Variants in FGF14 observed in about 807,000 individuals in gnomAD.
The protein encoded by FGF14 is fibroblast growth factor homologous factor 4.
A neutral mutation model predicts 25.5 loss-of-function variants in FGF14; 5 were observed. That is an observed-to-expected ratio of 0.20 (90% CI 0.10 to 0.41). The LOEUF (loss-of-function observed/expected upper bound fraction) is 0.41. Among genes scored for constraint, FGF14 ranks in the 10% least tolerant of loss-of-function variants. FGF14 has a pLI of 1.00. For synonymous variants in FGF14, 138 were observed against 118.3 expected, an observed-to-expected ratio of 1.17 and a Z score of -1.08; for missense variants, 222 against 320.1, an observed-to-expected ratio of 0.69 and a Z score of 2.34.
intron 3 of FGF14, among the ~76,000 whole-genome samples, chr13:101,751,522 G>A (rs535257778): frequency 4.6e-5 from 7 of 152,162 alleles, no homozygotes; most frequent in African/African-American, 1.7e-4. Flanking sequence ...TATGCATCAG[G>A]GAAAATACAT....
At chr13:102,085,857 T>C (rs778552461) in intron 1 of FGF14, among the ~76,000 whole-genome samples, 2 of 152,180 alleles carry the variant, frequency 1.3e-5, no homozygotes, top group South Asian at 2.1e-4. Flanking sequence ...CTACCTTATA[T>C]ATGGAGGAAA....
Position 101,875,283 on chromosome 13 carries a change from C to T in FGF14, c.207G>A (p.Lys69=). Reference sequence around the variant, plus strand: ...TGCAATATAACCTGGTCACTATACCCTTGAGCTGGGGATCTGAAAGGCAAA... The same window carrying T: ...TGCAATATAACCTGGTCACTATACCTTTGAGCTGGGGATCTGAAAGGCAAA... The part of the protein sequence containing the change: ...RRLRRQDPQL[K]GIVTRLYCRQ... Residue 69 remains lysine, a synonymous_variant, in exon 2 of 5, where the codon AAG becomes AAA. Transcript: ENST00000376143. The T allele has an allele frequency of 6.2e-7, 1 of 1,612,574 alleles. No individual in the cohort carries two copies. Among genetic ancestry groups the T allele is most frequent in the Non-Finnish European group, 8.5e-7 (1 of 1,178,778 alleles).
intron 1 of FGF14, among the ~76,000 whole-genome samples, chr13:102,033,082 G>T (rs1213601628): frequency 1.3e-5 from 2 of 152,016 alleles, no homozygotes; most frequent in Non-Finnish European, 2.9e-5. Context: ...GAAAATCCTT[G>T]AATACCCTAC....
intron 1 of FGF14, among the ~76,000 whole-genome samples, chr13:102,075,360 A>G (rs2043316565): frequency 6.6e-6 from 1 of 152,214 alleles, no homozygotes; most frequent in Non-Finnish European, 1.5e-5. Context: ...CTGCTGCACA[A>G]TGAATTTGGT....
At chr13:102,170,275 A>G (rs1195600913) in intron 1 of FGF14, among the ~76,000 whole-genome samples, 1 of 152,040 alleles carries the variant, frequency 6.6e-6, no homozygotes, top group African/African-American at 2.4e-5. Context: ...ATTAATCTCC[A>G]TGAGGGCACA....
chr13:102,190,046 C>T (rs2140816898), intron 1 of FGF14, among the ~76,000 whole-genome samples: 1 of 152,268 alleles, frequency 6.6e-6, no homozygotes, highest in East Asian at 1.9e-4. Context: ...AGGGGACACA[C>T]ATCCAAAACA....
chr13:101,889,732 A>G (rs2046175677), intron 1 of FGF14, among the ~76,000 whole-genome samples: 1 of 152,218 alleles, frequency 6.6e-6, no homozygotes, highest in Admixed American at 6.5e-5. Context: ...TACCCCATGC[A>G]ATACATGAAG....
intron 1 of FGF14, among the ~76,000 whole-genome samples, chr13:102,370,230 T>C (rs547941299): frequency 2.1e-4 from 32 of 152,274 alleles, no homozygotes; most frequent in African/African-American, 7.7e-4. Context: ...TGGCCTCAAG[T>C]GATCCCTGCC....
intron 1 of FGF14, among the ~76,000 whole-genome samples, chr13:102,325,037 AT>A (rs1366194353): frequency 2.0e-5 from 3 of 152,082 alleles, no homozygotes; most frequent in African/African-American, 7.2e-5. Flanking sequence ...CCATCAAAAG[AT>A]TTTTTTAAAA....
At chr13:102,034,499 T>C (rs1454851750) in intron 1 of FGF14, among the ~76,000 whole-genome samples, 1 of 152,152 alleles carries the variant, frequency 6.6e-6, no homozygotes, top group Admixed American at 6.5e-5. Flanking sequence ...TCCTCCCATC[T>C]AATCCTCCGA....
At chr13:102,096,095 T>A (rs1416442293) in intron 1 of FGF14, among the ~76,000 whole-genome samples, 1 of 151,678 alleles carries the variant, frequency 6.6e-6, no homozygotes, top group African/African-American at 2.4e-5. Flanking sequence ...ATACATTGCC[T>A]TATATATACA....
chr13:101,750,187 A>G (rs776744456), intron 3 of FGF14, among the ~76,000 whole-genome samples: 2 of 152,148 alleles, frequency 1.3e-5, no homozygotes, highest in African/African-American at 2.4e-5. Context: ...TTCGTGTAGC[A>G]GCCTGAATAG....
intron 3 of FGF14, among the ~76,000 whole-genome samples, chr13:101,841,119 C>T (rs1434496138): frequency 1.3e-5 from 2 of 151,838 alleles, no homozygotes; most frequent in Non-Finnish European, 2.9e-5. Flanking sequence ...ATTAATACTT[C>T]TTTCAATGGT....
chr13:102,315,659 T>C (rs555882039), intron 1 of FGF14, among the ~76,000 whole-genome samples: 125 of 152,300 alleles, frequency 8.2e-4, no homozygotes, highest in Non-Finnish European at 1.4e-3. Flanking sequence ...GAGGATCCCC[T>C]AGCATTTCAC....
intron 1 of FGF14, among the ~76,000 whole-genome samples, chr13:102,158,903 C>T (rs1283156786): frequency 6.6e-6 from 1 of 152,056 alleles, no homozygotes; most frequent in African/African-American, 2.4e-5. Context: ...CTTTGGGAGG[C>T]CGAGGCAGGT....
chr13:101,978,948 C>T (rs1231662007), intron 1 of FGF14, among the ~76,000 whole-genome samples: 1 of 152,166 alleles, frequency 6.6e-6, no homozygotes, highest in Non-Finnish European at 1.5e-5. Context: ...GATGGAATTC[C>T]AAAGCAGAGA....
At position 102,156,043 on chromosome 13, in the gene FGF14, G is replaced by A. The variant is rs9585861; in HGVS notation, c.208+245428C>T. 3.7e-3 allele frequency among the ~76,000 whole-genome samples: 569 copies of A among 152,264 alleles called. 6 individuals are homozygous for A. Among genetic ancestry groups the A allele is most frequent in the African/African-American group, 0.012 (499 of 41,560 alleles). ...TAGCTTACCAATCAAAAAGAGTCCA[G>A]GACCAGATGGATTCACAGCTGAATT... On this transcript the variant is annotated intron_variant, in intron 1 of 4. Transcript: ENST00000376131.
chr13:101,767,858 C>T (rs1042540990), intron 3 of FGF14, among the ~76,000 whole-genome samples: 2 of 152,086 alleles, frequency 1.3e-5, no homozygotes. Flanking sequence ...GAAACAATTA[C>T]TTTTTTAAAA....
At chr13:101,905,104 T>C (rs1421562659) in intron 1 of FGF14, among the ~76,000 whole-genome samples, 2 of 152,188 alleles carry the variant, frequency 1.3e-5, no homozygotes, top group Non-Finnish European at 2.9e-5. Context: ...TATTGTCCCA[T>C]GCATTGAACA....
Sources: gnomAD v4.1 joint callset for allele counts (sites outside exome capture counted in the v4.1 genomes callset) on GRCh38, gnomAD v4.1.1 for gene constraint, MANE v1.5 for transcripts, NCBI Gene and HGNC (gene_info 2026-07-23, HGNC 2026-07-21) for gene names.